The following ARHGAP15 variants were observed in gnomAD, a reference collection of about 807,000 sequenced individuals.
ARHGAP15 encodes Rho GTPase activating protein 15.
ARHGAP15 carries 51 observed loss-of-function variants against 63.7 expected under a neutral mutation model. The ratio of observed to expected loss-of-function variants is 0.80; its 90% CI spans 0.64 to 1.01. ARHGAP15 has a LOEUF of 1.01. Ranked by LOEUF, ARHGAP15 falls within the 50% of genes least tolerant of loss-of-function variation. The probability of loss-of-function intolerance (pLI) is 0.00; values close to 1 mark genes in which losing one functional copy is unlikely to be tolerated. For synonymous variants in ARHGAP15, 191 were observed against 193.8 expected, an observed-to-expected ratio of 0.99 and a Z score of 0.12; for missense variants, 560 against 564.6, an observed-to-expected ratio of 0.99 and a Z score of 0.08.
intron 1 of ARHGAP15, among the ~76,000 whole-genome samples, chr2:143,137,513 T>A (rs987004462): frequency 6.6e-6 from 1 of 152,042 alleles, no homozygotes; most frequent in Non-Finnish European, 1.5e-5. Context: ...TTTTAGTAAG[T>A]TGGCAGTGAT....
chr2:143,658,309 G>C (rs1681564914), intron 12 of ARHGAP15, among the ~76,000 whole-genome samples: 2 of 152,206 alleles, frequency 1.3e-5, no homozygotes, highest in Non-Finnish European at 2.9e-5. Flanking sequence ...TGTATAGGCA[G>C]TAATGGACAG....
chr2:143,655,217 A>C (rs1314209989), intron 12 of ARHGAP15, among the ~76,000 whole-genome samples: 1 of 152,138 alleles, frequency 6.6e-6, no homozygotes, highest in African/African-American at 2.4e-5. Flanking sequence ...CCATCTCCCG[A>C]GCAGTATACA....
intron 6 of ARHGAP15, among the ~76,000 whole-genome samples, chr2:143,258,477 G>A (rs1680536412): frequency 6.6e-6 from 1 of 152,064 alleles, no homozygotes; most frequent in South Asian, 2.1e-4. Flanking sequence ...GCCACTTATG[G>A]CATCTATGCA....
At chr2:143,685,362 A>G (rs556953036) in intron 12 of ARHGAP15, among the ~76,000 whole-genome samples, 1 of 152,328 alleles carries the variant, frequency 6.6e-6, no homozygotes, top group South Asian at 2.1e-4. Flanking sequence ...AGAATTTGGT[A>G]GGGCTCTCAT....
intron 4 of ARHGAP15, among the ~76,000 whole-genome samples, chr2:143,219,417 T>C (rs1692897823): frequency 6.6e-6 from 1 of 152,236 alleles, no homozygotes; most frequent in Non-Finnish European, 1.5e-5. Context: ...ATCCTCATCA[T>C]TAAGTGAAGC....
At chr2:143,740,304 C>T (rs1447840796) in intron 13 of ARHGAP15, among the ~76,000 whole-genome samples, 1 of 152,160 alleles carries the variant, frequency 6.6e-6, no homozygotes, top group South Asian at 2.1e-4. Flanking sequence ...TATGTCCTGA[C>T]CGTTGTGGCT....
At chr2:143,379,796 T>C (rs1558932392) in intron 6 of ARHGAP15, among the ~76,000 whole-genome samples, 1 of 151,964 alleles carries the variant, frequency 6.6e-6, no homozygotes, top group East Asian at 1.9e-4. Flanking sequence ...AAATAATGAC[T>C]ATTTTTTTCA....
rs1303438123 is a variant in ARHGAP15, at chr2:143,330,094, C to CAAAAAAAAAAAAAAAAAA, written c.474+79514_474+79531dup. ...TGGGTGACAGAGCAAGGCTCTGTCT[C>CAAAAAAAAAAAAAAAAAA]AAAAAAAAAAAAAAAAAAAAAAAAA... On this transcript the variant is annotated intron_variant, in intron 6 of 13. Transcript: ENST00000295095. Among the ~76,000 whole-genome samples, 7 of 1,680 alleles carry CAAAAAAAAAAAAAAAAAA rather than the reference C, an allele frequency of 4.2e-3. 1 individual carries two copies. The highest frequency in any genetic ancestry group is 6.9e-3 in the Non-Finnish European group (5 of 726). The allele number at this position is 1,680 out of a possible 152,430, so 1.1% of individuals were successfully genotyped here.
intron 6 of ARHGAP15, among the ~76,000 whole-genome samples, chr2:143,421,887 GAGAA>G (rs1338154275): frequency 6.6e-6 from 1 of 151,484 alleles, no homozygotes; most frequent in Non-Finnish European, 1.5e-5. Flanking sequence ...GAGAGTGTGA[GAGAA>G]AGAGAAAGGG....
intron 12 of ARHGAP15, among the ~76,000 whole-genome samples, chr2:143,663,569 T>C (rs1681958386): frequency 6.6e-6 from 1 of 151,380 alleles, no homozygotes; most frequent in Non-Finnish European, 1.5e-5. Context: ...ATAACAATAT[T>C]AACTTTAAAT....
chr2:143,493,651 C>G (rs767469517), intron 9 of ARHGAP15, among the ~76,000 whole-genome samples: 1 of 152,056 alleles, frequency 6.6e-6, no homozygotes, highest in African/African-American at 2.4e-5. Context: ...GCTTTTTTCC[C>G]CCTGAGTATC....
chr2:143,176,908 C>G (rs923428880), intron 2 of ARHGAP15, among the ~76,000 whole-genome samples: 1 of 152,262 alleles, frequency 6.6e-6, no homozygotes, highest in Non-Finnish European at 1.5e-5. Flanking sequence ...GGCTCTCTTT[C>G]CTTCCACATG....
intron 12 of ARHGAP15, among the ~76,000 whole-genome samples, chr2:143,674,863 G>A (rs529678810): frequency 6.6e-6 from 1 of 152,112 alleles, no homozygotes; most frequent in Non-Finnish European, 1.5e-5. Context: ...GTTAATGGTC[G>A]CTGACTGATC....
intron 5 of ARHGAP15, among the ~76,000 whole-genome samples, chr2:143,232,078 C>G (rs1693467484): frequency 6.6e-6 from 1 of 152,174 alleles, no homozygotes; most frequent in Non-Finnish European, 1.5e-5. Flanking sequence ...AGCAGCCTTA[C>G]TGTGCAAATA....
chr2:143,380,854 C>G (rs1435264481), intron 6 of ARHGAP15, among the ~76,000 whole-genome samples: 1 of 152,096 alleles, frequency 6.6e-6, no homozygotes, highest in Non-Finnish European at 1.5e-5. Flanking sequence ...GAAGGCTAGA[C>G]AGAATGGGAC....
intron 6 of ARHGAP15, among the ~76,000 whole-genome samples, chr2:143,398,108 G>A (rs892921396): frequency 2.0e-5 from 3 of 152,088 alleles, no homozygotes; most frequent in African/African-American, 7.2e-5. Context: ...CTTAGCAAAT[G>A]TAAGAGCAAG....
At chr2:143,679,875 C>A (rs1683017793) in intron 12 of ARHGAP15, among the ~76,000 whole-genome samples, 3 of 152,016 alleles carry the variant, frequency 2.0e-5, no homozygotes, top group African/African-American at 4.8e-5. Flanking sequence ...GTCTATCTGA[C>A]AAATTCACCC....
chr2:143,403,009 G>A (rs1688052816), intron 6 of ARHGAP15, among the ~76,000 whole-genome samples: 1 of 151,706 alleles, frequency 6.6e-6, no homozygotes, highest in African/African-American at 2.4e-5. Context: ...AGATTTAAAA[G>A]GATTCAAGTA....
At chr2:143,278,282 T>C (rs138489219) in intron 6 of ARHGAP15, among the ~76,000 whole-genome samples, 3 of 152,300 alleles carry the variant, frequency 2.0e-5, no homozygotes, top group Non-Finnish European at 4.4e-5. Context: ...TTCTTTCTTA[T>C]ACCTCTTGAA....
Sources: gnomAD v4.1 joint callset for allele counts (sites outside exome capture counted in the v4.1 genomes callset) on GRCh38, gnomAD v4.1.1 for gene constraint, MANE v1.5 for transcripts, NCBI Gene and HGNC (gene_info 2026-07-23, HGNC 2026-07-21) for gene names.